REDIC1: variants seen among roughly 807,000 people sequenced by gnomAD.
REDIC1 encodes regulator of DNA class I crossover intermediates 1.
chr12:39,701,803 C>A, the REDIC1 span, among the ~76,000 whole-genome samples: 1 of 151,848 alleles, frequency 6.6e-6, no homozygotes, highest in Non-Finnish European at 1.5e-5. Flanking sequence ...AACCGCTCAA[C>A]TACATGGAAA....
chr12:39,710,657 A>T, the REDIC1 span, among the ~76,000 whole-genome samples: 1 of 151,726 alleles, frequency 6.6e-6, no homozygotes, highest in Non-Finnish European at 1.5e-5. Context: ...CTCTATACTT[A>T]TGTTTTCTCT....
the REDIC1 span, among the ~76,000 whole-genome samples, chr12:39,765,597 C>T: frequency 1.3e-5 from 2 of 152,032 alleles, no homozygotes; most frequent in East Asian, 1.9e-4. Flanking sequence ...CATCCAAGCC[C>T]TATTGTTACC....
the REDIC1 span, among the ~76,000 whole-genome samples, chr12:39,712,827 G>T: frequency 7.1e-6 from 1 of 140,644 alleles, no homozygotes; most frequent in African/African-American, 2.6e-5. Context: ...ATGTGTGTAT[G>T]TATATACATA....
the REDIC1 span, chr12:39,764,450 A>G: frequency 4.5e-6 from 7 of 1,553,202 alleles, no homozygotes; most frequent in Non-Finnish European, 6.1e-6. Flanking sequence ...TAGAAAAAAT[A>G]TTATCTTACC....
At chr12:39,830,611 G>T in the REDIC1 span, 1 of 365,294 alleles carries the variant, frequency 2.7e-6, no homozygotes, top group Non-Finnish European at 3.8e-6. Context: ...TTGCATCAAA[G>T]CATTCATTTC....
At chr12:39,661,114 C>G in the REDIC1 span, among the ~76,000 whole-genome samples, 1 of 152,166 alleles carries the variant, frequency 6.6e-6, no homozygotes, top group South Asian at 2.1e-4. Flanking sequence ...CTGTAATAAA[C>G]ATGGGGGTGC....
At chr12:39,661,870 G>A in the REDIC1 span, among the ~76,000 whole-genome samples, 27 of 151,990 alleles carry the variant, frequency 1.8e-4, no homozygotes, top group Non-Finnish European at 3.4e-4. Flanking sequence ...TCCACATATG[G>A]ATTTCTAGTT....
chr12:39,859,698 T>G, the REDIC1 span, among the ~76,000 whole-genome samples: 1 of 152,048 alleles, frequency 6.6e-6, no homozygotes, highest in Non-Finnish European at 1.5e-5. Flanking sequence ...AATTTTTTTT[T>G]GTATTTTTAG....
At chr12:39,821,677 G>C in the REDIC1 span, among the ~76,000 whole-genome samples, 1 of 152,176 alleles carries the variant, frequency 6.6e-6, no homozygotes, top group Non-Finnish European at 1.5e-5. Flanking sequence ...AGAGGGAAAA[G>C]AGGACGTGGC....
the REDIC1 span, chr12:39,721,017 C>A: frequency 1.9e-6 from 3 of 1,613,730 alleles, no homozygotes; most frequent in Admixed American, 1.7e-5. Context: ...ATTCAGCCCA[C>A]ATTTTGCAAA....
chr12:39,892,368 T>C, the REDIC1 span, among the ~76,000 whole-genome samples: 6 of 152,148 alleles, frequency 3.9e-5, no homozygotes, highest in African/African-American at 1.4e-4. Flanking sequence ...CCAGGGAGAT[T>C]CTTGGAACTG....
At chr12:39,697,655 A>AT in the REDIC1 span, among the ~76,000 whole-genome samples, 15 of 152,242 alleles carry the variant, frequency 9.9e-5, no homozygotes, top group African/African-American at 2.6e-4. Flanking sequence ...TTCTTTGCTC[A>AT]TTTTTTTATG....
the REDIC1 span, among the ~76,000 whole-genome samples, chr12:39,773,964 G>A: frequency 7.2e-4 from 110 of 152,274 alleles, 2 homozygotes; most frequent in East Asian, 0.019. Flanking sequence ...AGTGAAGCAC[G>A]ATTTTATTTC....
chr12:39,688,572 A>G, the REDIC1 span, among the ~76,000 whole-genome samples: 1 of 152,216 alleles, frequency 6.6e-6, no homozygotes, highest in East Asian at 1.9e-4. Flanking sequence ...CTTGTATGAT[A>G]TATAACAGTT....
At chr12:39,723,415 AAT>A in the REDIC1 span, among the ~76,000 whole-genome samples, 1 of 151,984 alleles carries the variant, frequency 6.6e-6, no homozygotes, top group Non-Finnish European at 1.5e-5. Context: ...TAAGGAGATA[AAT>A]ATATTCAGAG....
the REDIC1 span, among the ~76,000 whole-genome samples, chr12:39,868,428 C>G: frequency 7.5e-4 from 114 of 152,316 alleles, no homozygotes; most frequent in Admixed American, 1.9e-3. Flanking sequence ...TCCCATGACT[C>G]TACCAGAGCA....
chr12:39,752,884 T>C, the REDIC1 span, among the ~76,000 whole-genome samples: 1 of 152,206 alleles, frequency 6.6e-6, no homozygotes, highest in African/African-American at 2.4e-5. Context: ...CCAACTTCTA[T>C]GCAGTGGTTT....
chr12:39,744,075 A>T, the REDIC1 span, among the ~76,000 whole-genome samples: 5 of 152,212 alleles, frequency 3.3e-5, no homozygotes, highest in African/African-American at 1.2e-4. Context: ...AAAATCACAC[A>T]TAAAAAATAT....
chr12:39,840,752 C>T, the REDIC1 span, among the ~76,000 whole-genome samples: 1 of 152,056 alleles, frequency 6.6e-6, no homozygotes, highest in Non-Finnish European at 1.5e-5. Flanking sequence ...TTCTTAACAG[C>T]TTCATGCTGT....
Sources: gnomAD v4.1 joint callset for allele counts (sites outside exome capture counted in the v4.1 genomes callset) on GRCh38, gnomAD v4.1.1 for gene constraint, MANE v1.5 for transcripts, NCBI Gene and HGNC (gene_info 2026-07-23, HGNC 2026-07-21) for gene names.